The following ZNF536 variants were observed in gnomAD, a reference collection of about 807,000 sequenced individuals.
ZNF536 encodes zinc finger protein 536.
In ZNF536, 13 loss-of-function variants were observed where a neutral mutation model predicts 84.5. The observed-to-expected ratio is 0.15, with a 90% confidence interval of 0.10 to 0.24. The LOEUF (loss-of-function observed/expected upper bound fraction) is 0.24, where lower values mean the gene tolerates loss of function less well. Among genes scored for constraint, ZNF536 ranks in the 10% least tolerant of loss-of-function variants. The pLI is 1.00. For missense variants in ZNF536, 1,536 were observed against 1,747.5 expected (o/e 0.88, Z 2.16); for synonymous variants, 811 against 742.5 (o/e 1.09, Z -1.50).
Position 30,508,820 on chromosome 19 carries a change from C to CTTTTTTTTTTTTTTTTTTTTTT in ZNF536, c.2171-26023_2171-26002dup, listed in dbSNP as rs914349353. ...TCTTTTCTCTTTTCTTTCTTTCTTT[C>CTTTTTTTTTTTTTTTTTTTTTT]TTTTTTTTTTTTTTTTTTTTTTTTT... On this transcript the variant is annotated intron_variant, in intron 2 of 4. Transcript: ENST00000355537. 8.1e-4 allele frequency among the ~76,000 whole-genome samples: 56 copies of CTTTTTTTTTTTTTTTTTTTTTT among 68,772 alleles called. 2 individuals carry two copies. The highest frequency in any genetic ancestry group is 1.2e-3 in the Non-Finnish European group (45 of 37,640). The allele number at this position is 68,772 out of a possible 152,430, so 45.1% of individuals were successfully genotyped here.
intron 2 of ZNF536, among the ~76,000 whole-genome samples, chr19:30,312,530 A>G (rs1016405219): frequency 1.4e-4 from 22 of 152,326 alleles, no homozygotes; most frequent in African/African-American, 4.6e-4. Flanking sequence ...GTTTTTGCTA[A>G]AGTGATTATT....
intron 1 of ZNF536, among the ~76,000 whole-genome samples, chr19:30,442,487 C>A (rs1016248978): frequency 2.6e-5 from 4 of 152,222 alleles, no homozygotes; most frequent in African/African-American, 9.6e-5. Context: ...CCTATGGCAT[C>A]ATTCCTGGAT....
intron 1 of ZNF536, among the ~76,000 whole-genome samples, chr19:30,378,161 C>T (rs1473819897): frequency 3.9e-5 from 6 of 152,022 alleles, no homozygotes; most frequent in Admixed American, 3.9e-4. Context: ...AAGTTTGGGT[C>T]TACTTTTTAT....
intron 2 of ZNF536, among the ~76,000 whole-genome samples, chr19:30,351,248 G>A (rs1313646385): frequency 6.6e-6 from 1 of 152,120 alleles, no homozygotes; most frequent in East Asian, 1.9e-4. Context: ...CTATAAGAAG[G>A]GGAATGCAGA....
intron 2 of ZNF536, among the ~76,000 whole-genome samples, chr19:30,473,728 G>A (rs1264558813): frequency 3.9e-5 from 6 of 152,192 alleles, no homozygotes; most frequent in Non-Finnish European, 8.8e-5. Flanking sequence ...AGTGCCACCT[G>A]CTCAGAGGAG....
In ZNF536 at chr19:30,458,447, G is replaced by GTTTTTTTT. The variant is rs3084731; in HGVS notation, c.2170+12731_2170+12738dup. On this transcript the variant is annotated intron_variant, in intron 2 of 4. Transcript: ENST00000355537. ...CCAAGTATTTCCTCAATTTCCTGCT[G>GTTTTTTTT]TTTTTTTTTTTTTTTTTTTTTTTGA... 5.1e-3 allele frequency among the ~76,000 whole-genome samples: 427 copies of GTTTTTTTT among 83,464 alleles called. 64 individuals carry two copies. Among genetic ancestry groups the GTTTTTTTT allele is most frequent in the African/African-American group, 0.019 (334 of 17,904 alleles). The allele number at this position is 83,464 out of a possible 152,430, so 54.8% of individuals were successfully genotyped here.
At chr19:30,533,318 CA>C (rs2044932429) in intron 2 of ZNF536, among the ~76,000 whole-genome samples, 1 of 152,064 alleles carries the variant, frequency 6.6e-6, no homozygotes, top group Non-Finnish European at 1.5e-5. Context: ...GCCAGGAGTT[CA>C]AGACCAGCCT....
chr19:30,227,256 A>T (rs1244462225), upstream of ZNF536, among the ~76,000 whole-genome samples: 1 of 152,028 alleles, frequency 6.6e-6, no homozygotes, highest in African/African-American at 2.4e-5. Context: ...GGACAGGTGG[A>T]AAGTTAAGTC....
At chr19:30,700,201 C>CTTTCTTTCT (rs1555843317) in intron 1 of ZNF536, among the ~76,000 whole-genome samples, 2 of 82,710 alleles carry the variant, frequency 2.4e-5, no homozygotes, top group African/African-American at 8.3e-5. Context: ...TCTTTCTTTC[C>CTTTCTTTCT]TTCTTTCTTT....
At chr19:30,626,958 A>G (rs567145190) in intron 1 of ZNF536, among the ~76,000 whole-genome samples, 1 of 152,272 alleles carries the variant, frequency 6.6e-6, no homozygotes, top group African/African-American at 2.4e-5. Context: ...GGAATTAGCC[A>G]AACCCCTGAA....
At chr19:30,566,666 C>T (rs573331599) in intron 1 of ZNF536, among the ~76,000 whole-genome samples, 6 of 149,056 alleles carry the variant, frequency 4.0e-5, no homozygotes, top group East Asian at 2.1e-4. Flanking sequence ...GTGGCCTCTC[C>T]GGACAGTGGA....
At chr19:30,480,387 G>A (rs2054026277) in intron 2 of ZNF536, among the ~76,000 whole-genome samples, 1 of 152,076 alleles carries the variant, frequency 6.6e-6, no homozygotes, top group Admixed American at 6.5e-5. Flanking sequence ...TGTTTGTTTT[G>A]CTCTGAATTG....
intron 2 of ZNF536, among the ~76,000 whole-genome samples, chr19:30,469,347 G>A (rs1302576652): frequency 6.6e-6 from 1 of 152,122 alleles, no homozygotes; most frequent in African/African-American, 2.4e-5. Flanking sequence ...AGAAGGCGGA[G>A]CTTGCAGTGA....
intron 2 of ZNF536, among the ~76,000 whole-genome samples, chr19:30,290,560 C>G (rs2045802115): frequency 6.6e-6 from 1 of 152,230 alleles, no homozygotes; most frequent in African/African-American, 2.4e-5. Flanking sequence ...GCATGAGTCA[C>G]TGCACCCGGC....
chr19:30,485,593 T>C (rs2054272349), intron 2 of ZNF536, among the ~76,000 whole-genome samples: 1 of 139,156 alleles, frequency 7.2e-6, no homozygotes, highest in Non-Finnish European at 1.5e-5. Flanking sequence ...GCAGTGGATC[T>C]TTTTTTCTTC....
At chr19:30,655,832 A>G (rs377592646) in intron 1 of ZNF536, among the ~76,000 whole-genome samples, 12 of 152,250 alleles carry the variant, frequency 7.9e-5, no homozygotes, top group African/African-American at 2.9e-4. Flanking sequence ...TGAGCCTAGG[A>G]GTTCGAGACT....
intron 1 of ZNF536, among the ~76,000 whole-genome samples, chr19:30,393,405 C>T (rs866121187): frequency 5.9e-5 from 9 of 152,182 alleles, no homozygotes; most frequent in Admixed American, 6.5e-5. Flanking sequence ...TTATTGAAGA[C>T]CTACTGTGCC....
rs547378379 is a variant in ZNF536 at position 30,437,720 on chromosome 19, T to C, written c.-2-5841T>C. 9.4e-4 allele frequency among the ~76,000 whole-genome samples: 143 copies of C among 152,248 alleles called. 3 individuals are homozygous for C. Among genetic ancestry groups the C allele is most frequent in the Non-Finnish European group, 2.4e-4 (16 of 68,030 alleles). On this transcript the variant is annotated intron_variant, in intron 1 of 4. Transcript: ENST00000355537. ...TCAGGACTGGGGGGGAATGTTGCCA[T>C]GTTTCTACATTGGGGGGATGATGCT...
chr19:30,634,930 A>G (rs1010553311), intron 1 of ZNF536, among the ~76,000 whole-genome samples: 2 of 152,192 alleles, frequency 1.3e-5, no homozygotes, highest in African/African-American at 4.8e-5. Flanking sequence ...GATTTGACCA[A>G]AAGTGTCACC....
Sources: allele counts gnomAD v4.1 joint callset (sites outside exome capture counted in the v4.1 genomes callset), GRCh38; gene constraint gnomAD v4.1.1; transcripts MANE v1.5; gene names NCBI Gene and HGNC (gene_info 2026-07-23, HGNC 2026-07-21).